Variants in OCA2 observed in about 807,000 individuals in gnomAD.
The protein encoded by OCA2 is P protein.
OCA2 carries 77 observed loss-of-function variants against 100.2 expected under a neutral mutation model. The ratio of observed to expected loss-of-function variants is 0.77; its 90% confidence interval spans 0.64 to 0.93. The LOEUF (loss-of-function observed/expected upper bound fraction) is 0.93, where lower values mean the gene tolerates loss of function less well. Ranked by LOEUF, OCA2 falls within the 40% of genes least tolerant of loss-of-function variation. OCA2 has a pLI of 0.00. For missense variants in OCA2, 1,062 were observed against 1,089.1 expected, an observed-to-expected ratio of 0.98 and a Z score of 0.35; for synonymous variants, 432 against 439.2, an observed-to-expected ratio of 0.98 and a Z score of 0.21.
intron 19 of OCA2, among the ~76,000 whole-genome samples, chr15:27,900,761 C>T (rs950133978): frequency 4.6e-5 from 7 of 152,274 alleles, no homozygotes; most frequent in Admixed American, 6.5e-5. Context: ...AAGAACTGGC[C>T]GGGAGCTGGG....
intron 14 of OCA2, among the ~76,000 whole-genome samples, chr15:27,967,521 G>T (rs1310960493): frequency 6.6e-6 from 1 of 152,162 alleles, no homozygotes; most frequent in Non-Finnish European, 1.5e-5. Context: ...TAAACTATAT[G>T]ATAATATTTG....
At chr15:27,839,123 G>T (rs2035256786) in intron 23 of OCA2, among the ~76,000 whole-genome samples, 1 of 152,040 alleles carries the variant, frequency 6.6e-6, no homozygotes, top group South Asian at 2.1e-4. Context: ...TTAGGCAAGA[G>T]GTAGAAGTCA....
chr15:27,753,167 C>T (rs2030131763), downstream of OCA2, among the ~76,000 whole-genome samples: 1 of 151,938 alleles, frequency 6.6e-6, no homozygotes, highest in Non-Finnish European at 1.5e-5. Flanking sequence ...TGTCCTAGGC[C>T]AATGAACGAG....
At chr15:28,001,157 C>A (rs1244970703) in intron 9 of OCA2, among the ~76,000 whole-genome samples, 2 of 152,078 alleles carry the variant, frequency 1.3e-5, no homozygotes, top group Non-Finnish European at 2.9e-5. Context: ...TCTGTGCGGC[C>A]ATGTTCATTG....
At chr15:27,744,323 G>T in the OCA2 span, among the ~76,000 whole-genome samples, 1 of 152,186 alleles carries the variant, frequency 6.6e-6, no homozygotes, top group African/African-American at 2.4e-5. Context: ...AGCAAAAGCA[G>T]GATGGTGGGA....
rs747940330 is a variant in OCA2, at chr15:28,014,804, G to A, written c.1016C>T (p.Ala339Val). ...AAATATGATCAGCGCGTAGACGCCCGCGAGGATGGCCGTCGCGATGGTCAC... is the reference window on the plus strand; with the variant it reads ...AAATATGATCAGCGCGTAGACGCCCACGAGGATGGCCGTCGCGATGGTCAC... ...TQVTIATAIL[A>V]GVYALIIFEI... Residue 339 changes from alanine (A) to valine (V), a missense_variant, in exon 9 of 24, where the codon GCG (alanine) becomes GTG (valine). By Grantham distance (64) the Ala-to-Val change is moderately conservative. Coordinates refer to ENST00000354638, the MANE Select transcript of OCA2 (RefSeq NM_000275.3). The A allele has an allele frequency of 1.4e-5, 22 of 1,613,824 alleles. No homozygotes were observed. Among genetic ancestry groups the A allele is most frequent in the East Asian group, 4.5e-5 (2 of 44,870 alleles).
intron 19 of OCA2, among the ~76,000 whole-genome samples, chr15:27,906,752 G>A (rs188479187): frequency 6.6e-6 from 1 of 152,118 alleles, no homozygotes; most frequent in East Asian, 1.9e-4. Flanking sequence ...AAAAAAAAGT[G>A]TAACAAAGGA....
chr15:27,758,944 A>C (rs2030611445), intron 23 of OCA2, among the ~76,000 whole-genome samples: 3 of 152,194 alleles, frequency 2.0e-5, no homozygotes, highest in African/African-American at 7.2e-5. Flanking sequence ...ATATAAACCT[A>C]GAGATTTAAG....
intron 18 of OCA2, chr15:27,950,504 G>A (rs1279791301): frequency 1.9e-6 from 1 of 514,726 alleles, no homozygotes; most frequent in African/African-American, 1.9e-5. Context: ...AGGATTCCAA[G>A]CAGATCAGCT....
chr15:27,810,609 T>TTTG (rs386382553), intron 23 of OCA2, among the ~76,000 whole-genome samples: 1 of 39,368 alleles, frequency 2.5e-5, no homozygotes, highest in African/African-American at 6.9e-5. Context: ...GGAGAAAATA[T>TTTG]TTGCAAACTA....
intron 23 of OCA2, among the ~76,000 whole-genome samples, chr15:27,833,814 G>A (rs186831684): frequency 2.0e-4 from 31 of 152,196 alleles, no homozygotes; most frequent in East Asian, 1.5e-3. Flanking sequence ...TGGCTTCTCC[G>A]GAGATCTCAC....
chr15:27,994,108 C>G (rs574368936), intron 9 of OCA2, among the ~76,000 whole-genome samples: 61 of 152,292 alleles, frequency 4.0e-4, no homozygotes, highest in Non-Finnish European at 6.6e-4. Flanking sequence ...AACCCTGCCA[C>G]GGACTAGTAC....
At chr15:27,920,288 T>C (rs1047103434) in intron 19 of OCA2, among the ~76,000 whole-genome samples, 3 of 151,938 alleles carry the variant, frequency 2.0e-5, no homozygotes, top group African/African-American at 4.8e-5. Flanking sequence ...ACCACACAAA[T>C]AGTAACAACA....
chr15:27,743,747 T>C, the OCA2 span, among the ~76,000 whole-genome samples: 3 of 152,196 alleles, frequency 2.0e-5, no homozygotes, highest in African/African-American at 4.8e-5. Context: ...TATGTCCAGA[T>C]AGCACACGGC....
intron 1 of OCA2, among the ~76,000 whole-genome samples, chr15:28,084,299 G>A (rs141382171): frequency 9.4e-4 from 143 of 152,302 alleles, no homozygotes; most frequent in African/African-American, 3.3e-3. Context: ...TTTTGTTACA[G>A]CAGCATGAAT....
chr15:28,091,683 C>T (rs1239989972), intron 1 of OCA2, among the ~76,000 whole-genome samples: 13 of 152,176 alleles, frequency 8.5e-5, no homozygotes, highest in Non-Finnish European at 1.3e-4. Context: ...CGGCCCTGCA[C>T]GGTGGCTCAC....
intron 19 of OCA2, among the ~76,000 whole-genome samples, chr15:27,876,269 A>C (rs1372144981): frequency 6.6e-6 from 1 of 152,216 alleles, no homozygotes; most frequent in South Asian, 2.1e-4. Context: ...AAATTATACT[A>C]ATTATTGAAT....
the OCA2 span, among the ~76,000 whole-genome samples, chr15:27,739,639 T>C: frequency 1.3e-5 from 2 of 151,794 alleles, no homozygotes; most frequent in Non-Finnish European, 2.9e-5. Flanking sequence ...AGAGACGGGG[T>C]TTCACCACAT....
intron 23 of OCA2, among the ~76,000 whole-genome samples, chr15:27,775,384 G>T (rs2032151526): frequency 1.3e-5 from 2 of 152,136 alleles, no homozygotes; most frequent in African/African-American, 4.8e-5. Flanking sequence ...ATTGGCTCCT[G>T]TACTGAAAAA....
Sources: gnomAD v4.1 joint callset for allele counts (sites outside exome capture counted in the v4.1 genomes callset) on GRCh38, gnomAD v4.1.1 for gene constraint, MANE v1.5 for transcripts, NCBI Gene and HGNC (gene_info 2026-07-23, HGNC 2026-07-21) for gene names.